Variants in AKR1D1 observed in about 807,000 individuals in gnomAD.
AKR1D1 encodes delta(4)-3-ketosteroid 5-beta-reductase.
A neutral mutation model predicts 42.6 loss-of-function variants in AKR1D1; 32 were observed. The ratio of observed to expected loss-of-function variants is 0.75; its 90% CI spans 0.57 to 1.01. The LOEUF (loss-of-function observed/expected upper bound fraction) is 1.01, where lower values mean the gene tolerates loss of function less well. Ranked by LOEUF, AKR1D1 falls within the 50% of genes least tolerant of loss-of-function variation. The pLI, the probability that AKR1D1 is intolerant of heterozygous loss-of-function variation, is 0.00. For missense variants in AKR1D1, 364 were observed against 402.2 expected, an observed-to-expected ratio of 0.91 and a Z score of 0.81; for synonymous variants, 123 against 135.5, an observed-to-expected ratio of 0.91 and a Z score of 0.64.
intron 2 of AKR1D1, among the ~76,000 whole-genome samples, chr7:138,091,035 T>C (rs557450796): frequency 1.1e-4 from 17 of 152,296 alleles, no homozygotes; most frequent in African/African-American, 4.1e-4. Context: ...CAGAGTGGCA[T>C]GACAATAAAG....
intron 4 of AKR1D1, among the ~76,000 whole-genome samples, chr7:138,103,973 A>T (rs553486992): frequency 4.6e-5 from 7 of 152,164 alleles, no homozygotes; most frequent in African/African-American, 1.7e-4. Context: ...ATCTCCAAAA[A>T]ATATTTTAAA....
chr7:138,080,453 G>A (rs1343134541), intron 1 of AKR1D1, among the ~76,000 whole-genome samples: 1 of 152,068 alleles, frequency 6.6e-6, no homozygotes, highest in Non-Finnish European at 1.5e-5. Flanking sequence ...TTTAGGGTGG[G>A]GGTGCCAGAT....
chr7:138,093,539 C>G (rs774987161), intron 3 of AKR1D1, among the ~76,000 whole-genome samples: 1 of 152,102 alleles, frequency 6.6e-6, no homozygotes. Flanking sequence ...GTGTCTTCCA[C>G]GTCCACATCT....
intron 3 of AKR1D1, 46 bp downstream of exon 3, chr7:138,091,930 A>G (rs537333558): frequency 8.2e-7 from 1 of 1,219,570 alleles, no homozygotes; most frequent in Admixed American, 1.7e-5. Context: ...CCTGGCAACC[A>G]TGAGCCAATA....
rs767763265 is a variant in AKR1D1, at chr7:138,107,541, T to C, written c.816T>C (p.Pro272=). 1 of 1,614,136 alleles carries C rather than the reference T, an allele frequency of 6.2e-7. No homozygotes were observed. The highest frequency in any genetic ancestry group is 8.5e-7 in the Non-Finnish European group (1 of 1,180,012). The change falls in exon 7 of 9, where the codon CCT becomes CCC. Residue 272 remains proline (P), a synonymous_variant. Coordinates refer to ENST00000242375, the MANE Select transcript of AKR1D1 (RefSeq NM_005989.4). ...TCCAGCGAGGGGTGGTTGTCATTCC[T>C]AAAAGCTTTAATCTTGAAAGGATCA... is the stretch of plus-strand genomic sequence containing the variant. ...FNIQRGVVVI[P]KSFNLERIKE... is the part of the protein sequence containing the mutation.
chr7:138,112,858 C>A (rs1418309331), intron 7 of AKR1D1, among the ~76,000 whole-genome samples: 1 of 150,484 alleles, frequency 6.6e-6, no homozygotes, highest in Non-Finnish European at 1.5e-5. Context: ...TAATAAGGGA[C>A]AATCATAAAA....
At chr7:138,113,024 G>C (rs1285083708) in intron 7 of AKR1D1, among the ~76,000 whole-genome samples, 2 of 152,104 alleles carry the variant, frequency 1.3e-5, no homozygotes, top group Non-Finnish European at 2.9e-5. Flanking sequence ...TTTTTAAAAA[G>C]CAAATTTAGG....
chr7:138,113,768 C>A lies in AKR1D1; in HGVS notation c.934C>A (p.Leu312Ile), dbSNP rs754185940. 6.2e-7 allele frequency: 1 copy of A among 1,613,722 alleles called. No homozygotes were observed. ...TAAAAATGTCCGCTTTGTAGAATTG[C>A]TCATGTAAGTTCCGGGGATCATTAA... ...LNKNVRFVELLMWRDHPEYPF... is the reference protein window; with the variant it reads ...LNKNVRFVELIMWRDHPEYPF... The change falls in exon 8 of 9, where the codon CTC becomes ATC. Residue 312 changes from leucine (L) to isoleucine (I), a missense_variant. Transcript: ENST00000242375.
chr7:138,108,860 G>A (rs986890373), intron 7 of AKR1D1, among the ~76,000 whole-genome samples: 8 of 152,288 alleles, frequency 5.3e-5, no homozygotes, highest in African/African-American at 1.9e-4. Context: ...TAATTAGCTA[G>A]ATTTAACCAC....
At chr7:138,091,529 G>C (rs1247267125) in intron 2 of AKR1D1, among the ~76,000 whole-genome samples, 1 of 152,032 alleles carries the variant, frequency 6.6e-6, no homozygotes, top group East Asian at 1.9e-4. Flanking sequence ...TGAAATGTGT[G>C]AATAAAATGT....
At chr7:138,080,295 C>T (rs938778418) in intron 1 of AKR1D1, among the ~76,000 whole-genome samples, 6 of 152,104 alleles carry the variant, frequency 3.9e-5, no homozygotes, top group Admixed American at 1.3e-4. Context: ...GTCTGAAACT[C>T]CTGAACTCAA....
At position 138,107,645 on chromosome 7, in the gene AKR1D1, T is replaced by C. The variant is rs772548185; in HGVS notation, c.855+65T>C. The C allele has an allele frequency of 1.6e-5, 25 of 1,556,462 alleles. No individual in the cohort carries two copies. In the South Asian group the frequency reaches 1.7e-4, roughly 10 times the overall value. On this transcript the variant is annotated intron_variant, in intron 7 of 8. Transcript: ENST00000242375. ...GTTTGCTATTTTTGCTTTTATAGAA[T>C]GTGTTCAGCTTAATAGGAAACCTGT...
At chr7:138,090,508 G>A (rs1286349663) in intron 2 of AKR1D1, among the ~76,000 whole-genome samples, 1 of 151,732 alleles carries the variant, frequency 6.6e-6, no homozygotes, top group East Asian at 1.9e-4. Flanking sequence ...GTGGTAGCAG[G>A]TGCCTGTAAT....
intron 8 of AKR1D1, 86 bp from the exon 9 acceptor site, chr7:138,116,534 A>T: frequency 7.2e-7 from 1 of 1,389,996 alleles, no homozygotes; most frequent in African/African-American, 1.4e-5. Flanking sequence ...GGTAGTGGTC[A>T]GTGAAATTCT....
chr7:138,106,045 T>TA (rs1427846757), intron 5 of AKR1D1, among the ~76,000 whole-genome samples: 1 of 152,174 alleles, frequency 6.6e-6, no homozygotes, highest in African/African-American at 2.4e-5. Context: ...CACTATTAAT[T>TA]AGAGAAACTT....
intron 5 of AKR1D1, among the ~76,000 whole-genome samples, chr7:138,106,270 AT>A (rs1365926842): frequency 2.6e-5 from 4 of 152,244 alleles, no homozygotes; most frequent in Non-Finnish European, 4.4e-5. Context: ...TAATAAAAAA[AT>A]ATCAGAATGC....
chr7:138,083,818 C>T (rs1334772695), intron 1 of AKR1D1, among the ~76,000 whole-genome samples: 2 of 152,100 alleles, frequency 1.3e-5, no homozygotes, highest in Non-Finnish European at 2.9e-5. Context: ...ATATTAGGAT[C>T]TATGGTTCTG....
chr7:138,104,661 C>G (rs1025820191), intron 4 of AKR1D1, among the ~76,000 whole-genome samples: 9 of 124,480 alleles, frequency 7.2e-5, no homozygotes, highest in Non-Finnish European at 1.5e-4. Flanking sequence ...GCCTGGGCAA[C>G]AAGAGCAAAA....
intron 3 of AKR1D1, 79 bp downstream of exon 3, chr7:138,091,963 C>T (rs551027666): frequency 5.0e-6 from 4 of 797,564 alleles, no homozygotes; most frequent in Non-Finnish European, 9.1e-6. Context: ...AAGCTCTGCA[C>T]CATGAGCCAA....
Sources: allele counts gnomAD v4.1 joint callset (sites outside exome capture counted in the v4.1 genomes callset), GRCh38; gene constraint gnomAD v4.1.1; transcripts MANE v1.5; gene names NCBI Gene and HGNC (gene_info 2026-07-23, HGNC 2026-07-21).